The following BLTP1 variants were observed in gnomAD, a reference collection of about 807,000 sequenced individuals.
BLTP1 encodes bridge-like lipid transfer protein family member 1.
chr4:122,196,939 A>G, the BLTP1 span: 3 of 509,842 alleles, frequency 5.9e-6, no homozygotes, highest in Non-Finnish European at 6.5e-6. Context: ...TACTATCATC[A>G]TAATTTTGTT....
At chr4:122,359,010 A>C in the BLTP1 span, among the ~76,000 whole-genome samples, 84 of 151,920 alleles carry the variant, frequency 5.5e-4, 1 homozygote, top group Non-Finnish European at 1.6e-4. Flanking sequence ...TTAGCATACA[A>C]AAACCATTGA....
the BLTP1 span, among the ~76,000 whole-genome samples, chr4:122,293,803 G>A: frequency 1.3e-5 from 2 of 152,216 alleles, no homozygotes; most frequent in Non-Finnish European, 2.9e-5. Flanking sequence ...GCCAACAGCA[G>A]AAGGCTGGAG....
the BLTP1 span, chr4:122,347,428 A>T: frequency 6.9e-7 from 1 of 1,459,472 alleles, no homozygotes; most frequent in Non-Finnish European, 9.2e-7. Flanking sequence ...ATGTAATGTG[A>T]TTAGAAATGA....
the BLTP1 span, chr4:122,188,961 G>T: frequency 1.0e-6 from 1 of 985,058 alleles, no homozygotes; most frequent in Non-Finnish European, 1.2e-6. Flanking sequence ...TTTGAGTATC[G>T]CGGTGACTGT....
At chr4:122,154,097 C>G in the BLTP1 span, 7 of 973,820 alleles carry the variant, frequency 7.2e-6, no homozygotes, top group African/African-American at 9.5e-5. Flanking sequence ...GTTGCAAACT[C>G]TGGAAAAAAA....
chr4:122,231,378 C>T, the BLTP1 span, among the ~76,000 whole-genome samples: 2 of 152,010 alleles, frequency 1.3e-5, no homozygotes, highest in Non-Finnish European at 2.9e-5. Flanking sequence ...GAAATTAACA[C>T]TTTAAAAACC....
At chr4:122,255,277 T>A in the BLTP1 span, 1 of 1,589,060 alleles carries the variant, frequency 6.3e-7, no homozygotes, top group Non-Finnish European at 8.6e-7. Flanking sequence ...TTGATGATGC[T>A]ACAATGGTAA....
At chr4:122,259,237 G>A in the BLTP1 span, among the ~76,000 whole-genome samples, 1 of 152,176 alleles carries the variant, frequency 6.6e-6, no homozygotes, top group Non-Finnish European at 1.5e-5. Flanking sequence ...TTTAATGGAT[G>A]CTTGATAAGA....
chr4:122,158,917 T>G, the BLTP1 span, among the ~76,000 whole-genome samples: 2 of 152,246 alleles, frequency 1.3e-5, no homozygotes, highest in East Asian at 3.8e-4. Context: ...TTCTTCGATA[T>G]ATAAGCATGA....
At chr4:122,334,108 G>T in the BLTP1 span, 1 of 178,728 alleles carries the variant, frequency 5.6e-6, no homozygotes, top group Non-Finnish European at 1.1e-5. Flanking sequence ...TTAGATTCTG[G>T]AATTATAGAA....
At chr4:122,170,089 C>G in the BLTP1 span, 4 of 654,682 alleles carry the variant, frequency 6.1e-6, no homozygotes, top group Non-Finnish European at 7.6e-6. Context: ...GGCGGATCAC[C>G]TGATGTCAGG....
At chr4:122,214,248 A>G in the BLTP1 span, 9 of 954,602 alleles carry the variant, frequency 9.4e-6, no homozygotes, top group South Asian at 2.9e-4. Flanking sequence ...TACTTGAAGT[A>G]GGTGACAAGA....
At chr4:122,270,995 C>CT in the BLTP1 span, 3 of 1,548,416 alleles carry the variant, frequency 1.9e-6, no homozygotes, top group African/African-American at 2.8e-5. Context: ...AAACCGTGTC[C>CT]TTTTTTTATT....
the BLTP1 span, chr4:122,244,229 C>T: frequency 3.3e-5 from 9 of 270,876 alleles, no homozygotes; most frequent in Non-Finnish European, 3.9e-5. Flanking sequence ...TTTCAGTTAT[C>T]ATTTGCTACT....
At chr4:122,305,794 G>A in the BLTP1 span, 89 of 1,381,950 alleles carry the variant, frequency 6.4e-5, no homozygotes, top group East Asian at 2.0e-3. Context: ...TTTTTTTGGT[G>A]AACAATACCA....
chr4:122,281,349 G>A, the BLTP1 span: 4 of 977,310 alleles, frequency 4.1e-6, no homozygotes, highest in Non-Finnish European at 4.9e-6. Flanking sequence ...ACTTTTTCTT[G>A]TCTACTTTTC....
the BLTP1 span, among the ~76,000 whole-genome samples, chr4:122,342,521 A>T: frequency 1.3e-5 from 2 of 151,832 alleles, no homozygotes. Context: ...ACGCCCGGCT[A>T]GTTTTTGTAC....
chr4:122,158,978 A>G, the BLTP1 span, among the ~76,000 whole-genome samples: 3 of 152,124 alleles, frequency 2.0e-5, no homozygotes, highest in South Asian at 6.2e-4. Context: ...TGTTTGTTTC[A>G]TTTGCTGATT....
At chr4:122,267,076 T>TTTTTTTTTTTTTTTTTTA in the BLTP1 span, 1 of 386,970 alleles carries the variant, frequency 2.6e-6, no homozygotes, top group South Asian at 3.0e-5. Flanking sequence ...TTTTTTTTTT[T>TTTTTTTTTTTTTTTTTTA]GAGACGGAGT....
Sources: gnomAD v4.1 joint callset for allele counts (sites outside exome capture counted in the v4.1 genomes callset) on GRCh38, gnomAD v4.1.1 for gene constraint, MANE v1.5 for transcripts, NCBI Gene and HGNC (gene_info 2026-07-23, HGNC 2026-07-21) for gene names.